Variants in GLB1L3 observed in about 807,000 individuals in gnomAD.
The protein encoded by GLB1L3 is beta-galactosidase-1-like protein 3.
GLB1L3 carries 89 observed loss-of-function variants against 89.5 expected under a neutral mutation model. The observed-to-expected ratio is 0.99, with a 90% CI of 0.84 to 1.19. The LOEUF (loss-of-function observed/expected upper bound fraction) is 1.19, where lower values mean the gene tolerates loss of function less well. GLB1L3 is among the 50% of genes most tolerant of loss of function. The pLI, the probability that GLB1L3 is intolerant of heterozygous loss-of-function variation, is 0.00. For synonymous variants in GLB1L3, 314 were observed against 312.3 expected (o/e 1.01, Z -0.06); for missense variants, 812 against 813.3 (o/e 1.00, Z 0.02).
chr11:134,284,507 C>T (rs2136119893), intron 6 of GLB1L3, among the ~76,000 whole-genome samples: 1 of 152,198 alleles, frequency 6.6e-6, no homozygotes. Flanking sequence ...GCAGGGGGGT[C>T]ACCTGAGGTC....
At chr11:134,292,101 T>C in intron 7 of GLB1L3, 31 bp from the exon 8 acceptor site, 1 of 1,535,316 alleles carries the variant, frequency 6.5e-7, no homozygotes, top group Non-Finnish European at 9.0e-7. Context: ...AATGAGGGAA[T>C]TGGGTTCATT....
chr11:134,288,019 G>A (rs1591543478), intron 6 of GLB1L3, among the ~76,000 whole-genome samples: 1 of 152,204 alleles, frequency 6.6e-6, no homozygotes, highest in East Asian at 1.9e-4. Flanking sequence ...CCAGCACTCA[G>A]GCTGCCTTCT....
At chr11:134,307,744 C>A (rs1426434681) in intron 10 of GLB1L3, among the ~76,000 whole-genome samples, 1 of 152,194 alleles carries the variant, frequency 6.6e-6, no homozygotes, top group African/African-American at 2.4e-5. Context: ...CAGCGCTAGC[C>A]ATGCGCTAGC....
chr11:134,277,001 C>T (rs1043025914), intron 1 of GLB1L3, among the ~76,000 whole-genome samples: 1 of 152,248 alleles, frequency 6.6e-6, no homozygotes, highest in Admixed American at 6.5e-5. Context: ...GCCAGGGGCT[C>T]CAGCGGCTGG....
At chr11:134,293,309 C>A (rs1941462982) in intron 9 of GLB1L3, 100 bp downstream of exon 9, 2 of 1,032,972 alleles carry the variant, frequency 1.9e-6, no homozygotes, top group East Asian at 5.0e-5. Context: ...GACAAGAAGA[C>A]CGCAGGTTTT....
At chr11:134,315,079 A>G (rs1942924658) in intron 18 of GLB1L3, among the ~76,000 whole-genome samples, 1 of 152,212 alleles carries the variant, frequency 6.6e-6, no homozygotes, top group Non-Finnish European at 1.5e-5. Flanking sequence ...CTTTATGTAA[A>G]TGGAATCATA....
downstream of GLB1L3, among the ~76,000 whole-genome samples, chr11:134,322,177 A>C (rs1004208910): frequency 1.3e-5 from 2 of 152,204 alleles, no homozygotes. Flanking sequence ...TATTAACATC[A>C]GGCAAGTAGA....
At chr11:134,309,868 A>G (rs1446713680) in intron 11 of GLB1L3, 105 bp downstream of exon 11, 2 of 1,266,102 alleles carry the variant, frequency 1.6e-6, no homozygotes, top group Non-Finnish European at 2.2e-6. Context: ...TTGACCTATA[A>G]TCTATGCTGA....
intron 7 of GLB1L3, among the ~76,000 whole-genome samples, chr11:134,290,327 C>G (rs1941277724): frequency 1.3e-5 from 2 of 152,186 alleles, no homozygotes; most frequent in Admixed American, 6.5e-5. Flanking sequence ...AATCCCAGCA[C>G]TTTGTGAGGC....
Position 134,277,688 on chromosome 11 carries a change from C to A in GLB1L3, c.150-12C>A. ...CCCTTTCCACTTTCTTTCCCTCGCC[C>A]GCCCCCTCCAGGTTTAATTGGTCTC... On this transcript the variant is annotated splice_polypyrimidine_tract_variant and intron_variant, in intron 2 of 19. Coordinates refer to ENST00000431683, the MANE Select transcript of GLB1L3 (RefSeq NM_001080407.3). 12 of 1,596,112 alleles carry A rather than the reference C, an allele frequency of 7.5e-6. No individual in the cohort carries two copies. Among genetic ancestry groups the A allele is most frequent in the Non-Finnish European group, 1.0e-5 (12 of 1,170,762 alleles).
intron 3 of GLB1L3, among the ~76,000 whole-genome samples, chr11:134,278,563 G>A (rs991522164): frequency 2.6e-5 from 4 of 152,170 alleles, no homozygotes; most frequent in East Asian, 1.9e-4. Flanking sequence ...TCGTCCTCAT[G>A]CCTGTATACA....
chr11:134,277,257 C>T, intron 1 of GLB1L3, 69 bp from the exon 2 acceptor site: 1 of 1,606,228 alleles, frequency 6.2e-7, no homozygotes, highest in Admixed American at 1.7e-5. Context: ...CCCGGCACAG[C>T]TTCCCGGCCC....
chr11:134,319,403 A>G lies in GLB1L3; in HGVS notation c.*461A>G, dbSNP rs1943121557. 2 of 157,900 alleles carry G rather than the reference A, an allele frequency of 1.3e-5. No homozygotes were observed. The highest frequency in any genetic ancestry group is 1.2e-4 in the Admixed American group (2 of 16,074). The allele number at this position is 157,900 out of a possible 1,614,324, so 9.8% of individuals were successfully genotyped here. On this transcript the variant is annotated 3_prime_UTR_variant, in exon 20 of 20. Transcript: ENST00000431683. Reference sequence around the variant, plus strand: ...CAAAACAGCAGAGGAATTGTTATGTATTTTGTAGTCTATCTATATGATGCC... The same window carrying G: ...CAAAACAGCAGAGGAATTGTTATGTGTTTTGTAGTCTATCTATATGATGCC...
At chr11:134,278,026 C>G (rs1940476424) in intron 3 of GLB1L3, 114 bp downstream of exon 3, 2 of 922,258 alleles carry the variant, frequency 2.2e-6, no homozygotes, top group Non-Finnish European at 3.4e-6. Flanking sequence ...TCCGCACAGT[C>G]GTTTCCAGCA....
In GLB1L3 at chr11:134,309,613, T is replaced by C. The variant is rs370425391; in HGVS notation, c.962-13T>C. 1.9e-6 allele frequency: 3 copies of C among 1,573,776 alleles called. No homozygotes were observed. The highest frequency in any genetic ancestry group is 1.3e-5 in the African/African-American group (1 of 74,104). ...TTCTAACATTCTCTGTGTTCTCATGTTCCCCTTTGCAGAGGTTGAACATGC... is the reference window on the plus strand; with the variant it reads ...TTCTAACATTCTCTGTGTTCTCATGCTCCCCTTTGCAGAGGTTGAACATGC... On this transcript the variant is annotated splice_polypyrimidine_tract_variant and intron_variant, in intron 10 of 19. Coordinates refer to ENST00000431683, the MANE Select transcript of GLB1L3 (RefSeq NM_001080407.3).
Position 134,282,071 on chromosome 11 carries a change from C to T in GLB1L3, c.478C>T (p.Arg160Cys), listed in dbSNP as rs778254465. Reference protein sequence around the residue: ...AAEIGLWVILRPGRYICSEMD... With the variant: ...AAEIGLWVILCPGRYICSEMD... ...AGAGATCGGGCTGTGGGTGATTCTG[C>T]GTCCAGGCCGCTACATCTGCAGTGA... is the stretch of plus-strand genomic sequence containing the variant. Residue 160 changes from arginine to cysteine, a missense_variant, in exon 5 of 20, where the codon CGT (arginine) becomes TGT (cysteine). Transcript: ENST00000431683. 48 of 1,555,744 alleles carry T rather than the reference C, an allele frequency of 3.1e-5. No individual in the cohort carries two copies. The highest frequency in any genetic ancestry group is 2.4e-4 in the Admixed American group (13 of 54,384).
intron 9 of GLB1L3, among the ~76,000 whole-genome samples, chr11:134,293,934 C>T (rs528806968): frequency 1.3e-3 from 195 of 152,302 alleles, no homozygotes; most frequent in Middle Eastern, 0.01. Flanking sequence ...CTACCCCTCC[C>T]TTGAGGGCCT....
chr11:134,276,538 G>A lies in GLB1L3; in HGVS notation c.-203G>A, dbSNP rs535197411. ...CCGGCGGAGCTCGGCTGTCCCCGCG[G>A]GAGGGAGCCCGACGCGCATCCTTGG... is the stretch of plus-strand genomic sequence containing the variant. On this transcript the variant is annotated 5_prime_UTR_variant, in exon 1 of 20. Coordinates refer to ENST00000431683, the MANE Select transcript of GLB1L3 (RefSeq NM_001080407.3). 463 of 412,252 alleles carry A rather than the reference G, an allele frequency of 1.1e-3. No homozygotes were observed. The highest frequency in any genetic ancestry group is 1.7e-3 in the Non-Finnish European group (418 of 242,806). The allele number at this position is 412,252 out of a possible 1,614,324, so 25.5% of individuals were successfully genotyped here.
intron 18 of GLB1L3, among the ~76,000 whole-genome samples, chr11:134,316,355 ATTATATGGGTAATGGT>A (rs1487726713): frequency 6.6e-6 from 1 of 152,142 alleles, no homozygotes; most frequent in Non-Finnish European, 1.5e-5. Flanking sequence ...TATACTTTCT[ATTATATGGGTAATGGT>A]TCATATTGAA....
Sources: allele counts gnomAD v4.1 joint callset (sites outside exome capture counted in the v4.1 genomes callset), GRCh38; gene constraint gnomAD v4.1.1; transcripts MANE v1.5; gene names NCBI Gene and HGNC (gene_info 2026-07-23, HGNC 2026-07-21).